SNTG1: variants seen among roughly 807,000 people sequenced by gnomAD.
The protein encoded by SNTG1 is gamma-1-syntrophin.
SNTG1 carries 39 observed loss-of-function variants against 74.7 expected under a neutral mutation model. The observed-to-expected ratio is 0.52, with a 90% CI of 0.40 to 0.68. The LOEUF is 0.68. Among genes scored for constraint, SNTG1 ranks in the 30% least tolerant of loss-of-function variants. SNTG1 has a pLI of 0.00. For synonymous variants in SNTG1, 254 were observed against 217.1 expected (o/e 1.17, Z -1.49); for missense variants, 685 against 609.5 (o/e 1.12, Z -1.30).
intron 13 of SNTG1, among the ~76,000 whole-genome samples, chr8:50,652,158 A>G (rs979801332): frequency 6.6e-6 from 1 of 152,138 alleles, no homozygotes; most frequent in Non-Finnish European, 1.5e-5. Flanking sequence ...CTCTCATTTC[A>G]TTCTATTTAG....
chr8:50,161,371 G>GA (rs2131594363), intron 1 of SNTG1, among the ~76,000 whole-genome samples: 1 of 152,300 alleles, frequency 6.6e-6, no homozygotes, highest in Non-Finnish European at 1.5e-5. Context: ...GATTTTAGTA[G>GA]AACTTGACCC....
At chr8:50,266,496 G>A (rs1032691091) in intron 2 of SNTG1, among the ~76,000 whole-genome samples, 1 of 151,654 alleles carries the variant, frequency 6.6e-6, no homozygotes, top group Admixed American at 6.6e-5. Flanking sequence ...AGAGAAAATA[G>A]AAGTAAATTT....
At chr8:50,238,406 C>T (rs959698260) in intron 2 of SNTG1, among the ~76,000 whole-genome samples, 15 of 152,078 alleles carry the variant, frequency 9.9e-5, no homozygotes, top group Non-Finnish European at 2.2e-4. Flanking sequence ...ATTCACTATT[C>T]AATAAACGAT....
intron 4 of SNTG1, among the ~76,000 whole-genome samples, chr8:50,430,800 T>C (rs1032573463): frequency 2.0e-5 from 3 of 152,318 alleles, no homozygotes; most frequent in African/African-American, 2.4e-5. Flanking sequence ...TGACATGTTC[T>C]TACAACAGAG....
intron 12 of SNTG1, among the ~76,000 whole-genome samples, chr8:50,586,574 T>C (rs1434122285): frequency 6.6e-6 from 1 of 152,062 alleles, no homozygotes. Context: ...CTTATCACCA[T>C]GAGTCACACT....
chr8:50,034,273 G>A (rs777826390), intron 1 of SNTG1, among the ~76,000 whole-genome samples: 6 of 152,082 alleles, frequency 3.9e-5, no homozygotes, highest in African/African-American at 7.2e-5. Flanking sequence ...CATGCAAGAA[G>A]GATAATACAA....
intron 1 of SNTG1, among the ~76,000 whole-genome samples, chr8:49,972,363 A>G: frequency 6.6e-6 from 1 of 152,196 alleles, no homozygotes; most frequent in Non-Finnish European, 1.5e-5. Flanking sequence ...ACAAAAATTA[A>G]TTCAAGATGG....
intron 18 of SNTG1, among the ~76,000 whole-genome samples, chr8:50,791,677 T>C (rs1042818703): frequency 6.6e-6 from 1 of 151,872 alleles, no homozygotes; most frequent in Non-Finnish European, 1.5e-5. Flanking sequence ...ATTACATATA[T>C]GTAGTGAAAT....
At chr8:50,257,895 A>T (rs1273094384) in intron 2 of SNTG1, among the ~76,000 whole-genome samples, 1 of 152,218 alleles carries the variant, frequency 6.6e-6, no homozygotes, top group African/African-American at 2.4e-5. Flanking sequence ...CTAGCAATTA[A>T]TGGAAGCCGA....
intron 1 of SNTG1, among the ~76,000 whole-genome samples, chr8:49,977,627 G>A (rs770145737): frequency 6.2e-4 from 95 of 152,170 alleles, no homozygotes; most frequent in Non-Finnish European, 3.4e-4. Flanking sequence ...ATCCCTGAGG[G>A]GAAAGATGCT....
chr8:50,327,809 T>C (rs2090812281), intron 2 of SNTG1, among the ~76,000 whole-genome samples: 1 of 152,130 alleles, frequency 6.6e-6, no homozygotes, highest in African/African-American at 2.4e-5. Flanking sequence ...TCTCCATTCT[T>C]AACATGTCAG....
intron 2 of SNTG1, among the ~76,000 whole-genome samples, chr8:50,246,722 A>G (rs530050697): frequency 6.6e-6 from 1 of 152,196 alleles, no homozygotes; most frequent in South Asian, 2.1e-4. Context: ...ACTTTCTCAA[A>G]TCACTCTCAT....
intron 13 of SNTG1, among the ~76,000 whole-genome samples, chr8:50,595,890 C>T (rs908321020): frequency 3.3e-5 from 5 of 151,780 alleles, no homozygotes; most frequent in Admixed American, 2.0e-4. Context: ...TGCACATTTG[C>T]TTCATTTTAA....
chr8:50,510,612 A>G (rs1373182485), intron 9 of SNTG1, among the ~76,000 whole-genome samples: 1 of 152,206 alleles, frequency 6.6e-6, no homozygotes, highest in Admixed American at 6.5e-5. Flanking sequence ...TGGTCTATTA[A>G]GAGATTCAAC....
At chr8:49,965,000 G>A (rs1362808170) in intron 1 of SNTG1, among the ~76,000 whole-genome samples, 1 of 152,110 alleles carries the variant, frequency 6.6e-6, no homozygotes, top group Non-Finnish European at 1.5e-5. Context: ...AAAATTAATG[G>A]CATACCGAAC....
intron 12 of SNTG1, among the ~76,000 whole-genome samples, chr8:50,587,797 CAA>C (rs545632682): frequency 2.6e-5 from 3 of 116,774 alleles, no homozygotes; most frequent in Non-Finnish European, 3.6e-5. Flanking sequence ...GACTTCGTCT[CAA>C]AAAAAAAAAG....
intron 12 of SNTG1, among the ~76,000 whole-genome samples, chr8:50,564,574 T>C (rs2094505694): frequency 6.6e-6 from 1 of 152,118 alleles, no homozygotes; most frequent in African/African-American, 2.4e-5. Flanking sequence ...CCTCCCATAC[T>C]CAAGTATTTA....
intron 2 of SNTG1, among the ~76,000 whole-genome samples, chr8:50,264,466 G>A (rs978183529): frequency 2.0e-5 from 3 of 151,488 alleles, no homozygotes. Context: ...GCTACTCAGG[G>A]GGTGGAGGTA....
chr8:50,714,114 T>C (rs2095469476), intron 17 of SNTG1, among the ~76,000 whole-genome samples: 2 of 152,036 alleles, frequency 1.3e-5, no homozygotes, highest in African/African-American at 4.8e-5. Context: ...TTGCTTGTTT[T>C]TGTCAGATTT....
Sources: allele counts gnomAD v4.1 joint callset (sites outside exome capture counted in the v4.1 genomes callset), GRCh38; gene constraint gnomAD v4.1.1; transcripts MANE v1.5; gene names NCBI Gene and HGNC (gene_info 2026-07-23, HGNC 2026-07-21).